AOX1: variants seen among roughly 807,000 people sequenced by gnomAD.
AOX1 encodes the protein aldehyde oxidase.
Under a neutral mutation model 169.5 loss-of-function variants are expected in AOX1, and 153 were observed. The observed-to-expected ratio is 0.90, with a 90% CI of 0.79 to 1.03. The LOEUF is 1.03. AOX1 is among the 50% of genes least tolerant of loss of function. The pLI is 0.00. For missense variants in AOX1, 1,656 were observed against 1,663.9 expected (o/e 1.00, Z 0.08); for synonymous variants, 562 against 581.9 (o/e 0.97, Z 0.49).
At chr2:200,593,607 T>A (rs1027059423) in intron 2 of AOX1, among the ~76,000 whole-genome samples, 1 of 152,196 alleles carries the variant, frequency 6.6e-6, no homozygotes, top group Non-Finnish European at 1.5e-5. Flanking sequence ...CCTGAAAATG[T>A]TATCCTAGAA....
chr2:200,613,380 CT>C (rs1199067642), intron 14 of AOX1, among the ~76,000 whole-genome samples: 2 of 152,082 alleles, frequency 1.3e-5, no homozygotes, highest in East Asian at 3.9e-4. Flanking sequence ...CTTTGGTTCC[CT>C]AGCTGTCAAA....
Position 200,669,652 on chromosome 2 carries a change from G to A in AOX1, c.3876G>A (p.Gln1292=), listed in dbSNP as rs755723582. ...ATGACGCAGTGAGTGCAGCACGACA[G>A]GAGAGAGGCCTGCATGGACCCTTGA... ...AIHDAVSAAR[Q]ERGLHGPLTL... is the part of the protein sequence containing the mutation. Residue 1292 remains glutamine (Q), a synonymous_variant, in exon 34 of 35, where the codon CAG becomes CAA. Transcript: ENST00000374700. 26 of 1,614,048 alleles carry A rather than the reference G, an allele frequency of 1.6e-5. No individual in the cohort carries two copies. The highest frequency in any genetic ancestry group is 1.8e-5 in the Non-Finnish European group (21 of 1,180,006).
At chr2:200,633,535 A>T (rs928853295) in intron 20 of AOX1, among the ~76,000 whole-genome samples, 29 of 151,616 alleles carry the variant, frequency 1.9e-4, no homozygotes, top group African/African-American at 7.0e-4. Flanking sequence ...TTAATTCTAA[A>T]ATTTCTATTT....
At chr2:200,677,915 C>T (rs961016877), downstream of AOX1, among the ~76,000 whole-genome samples, 2 of 152,172 alleles carry the variant, frequency 1.3e-5, no homozygotes, top group African/African-American at 4.8e-5. Flanking sequence ...AGTGGAGGCT[C>T]AGAGTGGTTA....
intron 4 of AOX1, 128 bp from the exon 5 acceptor site, chr2:200,599,492 A>G (rs1463705588): frequency 2.8e-6 from 2 of 703,888 alleles, no homozygotes; most frequent in Non-Finnish European, 4.5e-6. Flanking sequence ...AAGGGCTCCC[A>G]GGGGCCTCTG....
intron 1 of AOX1, among the ~76,000 whole-genome samples, chr2:200,590,883 C>T (rs2034156725): frequency 6.6e-6 from 1 of 152,152 alleles, no homozygotes; most frequent in Admixed American, 6.5e-5. Flanking sequence ...TCTTTTTTCT[C>T]TCCTGCCATT....
intron 20 of AOX1, among the ~76,000 whole-genome samples, chr2:200,631,831 T>A (rs1034943888): frequency 6.6e-6 from 1 of 152,172 alleles, no homozygotes; most frequent in East Asian, 1.9e-4. Context: ...TACTGCAAGC[T>A]TGAATGTAAG....
Position 200,634,796 on chromosome 2 carries a change from A to C in AOX1, c.2227A>C (p.Ile743Leu), listed in dbSNP as rs2035197735. The C allele has an allele frequency of 5.0e-6, 8 of 1,613,828 alleles. No homozygotes were observed. The highest frequency in any genetic ancestry group is 6.8e-6 in the Non-Finnish European group (8 of 1,179,936). ...KVVDQILEGE[I>L]HMGGQEHFYM... ...TATGTATTTTCCTGTAACAGGTGAA[A>C]TACATATGGGAGGTCAAGAACATTT... The change falls in exon 21 of 35, where the codon ATA becomes CTA. Residue 743 changes from isoleucine (I) to leucine (L), a missense_variant. Coordinates refer to ENST00000374700, the MANE Select transcript of AOX1 (RefSeq NM_001159.4).
At chr2:200,659,831 C>T (rs1172252538) in intron 28 of AOX1, among the ~76,000 whole-genome samples, 164 bp from the exon 29 acceptor site, 1 of 151,438 alleles carries the variant, frequency 6.6e-6, no homozygotes, top group Non-Finnish European at 1.5e-5. Context: ...CACACGTGCA[C>T]ACACTCATAT....
intron 5 of AOX1, among the ~76,000 whole-genome samples, chr2:200,601,348 T>A (rs1267349000): frequency 6.6e-6 from 1 of 152,168 alleles, no homozygotes; most frequent in Non-Finnish European, 1.5e-5. Flanking sequence ...GTAAAAAGTT[T>A]CAGTTATGCA....
At chr2:200,634,528 C>A (rs1202455813) in intron 20 of AOX1, among the ~76,000 whole-genome samples, 3 of 152,100 alleles carry the variant, frequency 2.0e-5, no homozygotes, top group Admixed American at 1.3e-4. Context: ...GAATCAAGAC[C>A]CCTCTGCTTT....
rs113582006 is a variant in AOX1 at position 200,636,969 on chromosome 2, G to T, written c.2405G>T (p.Arg802Leu). 5 of 1,614,122 alleles carry T rather than the reference G, an allele frequency of 3.1e-6. No homozygotes were observed. In the South Asian group the frequency reaches 3.3e-5, roughly 11 times the overall value. Residue 802 changes from arginine (R) to leucine (L), a missense_variant, in exon 22 of 35, where the codon CGT (arginine) becomes CTT (leucine). Transcript: ENST00000374700. Reference protein sequence around the residue: ...PANKVMCHVRRVGGAFGGKVL... With the variant: ...PANKVMCHVRLVGGAFGGKVL... ...AACAAGGTCATGTGCCATGTAAGGC[G>T]TGTTGGTGGAGCGTTTGGAGGGAAG...
At chr2:200,604,999 C>G (rs2034486284) in intron 9 of AOX1, among the ~76,000 whole-genome samples, 159 bp downstream of exon 9, 1 of 152,174 alleles carries the variant, frequency 6.6e-6, no homozygotes, top group South Asian at 2.1e-4. Context: ...GAGCATTGCT[C>G]AAGAGACTTT....
At chr2:200,630,413 C>T (rs1449867681) in intron 20 of AOX1, among the ~76,000 whole-genome samples, 1 of 151,714 alleles carries the variant, frequency 6.6e-6, no homozygotes, top group East Asian at 1.9e-4. Flanking sequence ...ATCCCAGCTA[C>T]TCGGAAGGCT....
Position 200,603,351 on chromosome 2 carries a change from A to G in AOX1, c.583A>G (p.Ser195Gly). 6.2e-7 allele frequency: 1 copy of G among 1,612,414 alleles called. No individual in the cohort carries two copies. The highest frequency in any genetic ancestry group is 8.5e-7 in the Non-Finnish European group (1 of 1,178,566). ...INGLPEFEEG[S>G]KTSPKLFAEE... ...TGGATTGCCAGAATTTGAGGAAGGA[A>G]GTAAGGTCAGTGAAATGTAAAGCTT... Residue 195 changes from serine (S) to glycine (G), a missense_variant, in exon 7 of 35, where the codon AGT (serine) becomes GGT (glycine). Transcript: ENST00000374700.
At position 200,657,184 on chromosome 2, in the gene AOX1, A is replaced by AT. The variant is rs1284180212; in HGVS notation, c.3171+248dup. Among the ~76,000 whole-genome samples, 111 of 64,732 alleles carry AT rather than the reference A, an allele frequency of 1.7e-3. 3 individuals are homozygous for AT. The East Asian group carries it at 0.037, about 22-fold the overall frequency. 42.5% of individuals were successfully genotyped at this position (64,732 alleles called of 152,430 possible). A position where few individuals can be genotyped will look rare whatever the true frequency, so the allele number is the denominator to read the frequency against. Reference sequence around the variant, plus strand: ...ACCAAAAATATATATATATATATATATATATATTTTTTTTTTTTTTTAATT... The same window carrying AT: ...ACCAAAAATATATATATATATATATATTATATATTTTTTTTTTTTTTTAATT... On this transcript the variant is annotated intron_variant, in intron 27 of 34. Coordinates refer to ENST00000374700, the MANE Select transcript of AOX1 (RefSeq NM_001159.4).
At position 200,611,422 on chromosome 2, in the gene AOX1, A is replaced by G; in HGVS notation, c.1192A>G (p.Ser398Gly). ...GATTCCTTTAAATGAGCAATTCCTC[A>G]GCAAGTGCCCTAATGCAGATCTTAA... ...RQIPLNEQFL[S>G]KCPNADLKPQ... Residue 398 changes from serine to glycine, a missense_variant, in exon 13 of 35, where the codon AGC (serine) becomes GGC (glycine). By Grantham distance (56) the Ser-to-Gly change is moderately conservative. Transcript: ENST00000374700. The G allele has an allele frequency of 6.2e-7, 1 of 1,614,082 alleles. No individual in the cohort carries two copies. Among genetic ancestry groups the G allele is most frequent in the South Asian group, 1.1e-5 (1 of 91,076 alleles).
At chr2:200,620,610 A>G (rs1264303873) in intron 16 of AOX1, 40 bp from the exon 17 acceptor site, 9 of 1,433,300 alleles carry the variant, frequency 6.3e-6, no homozygotes, top group Non-Finnish European at 7.4e-6. Flanking sequence ...TACTTTCTCT[A>G]TAGAAATGTA....
At chr2:200,657,191 T>TATATATA (rs1491522418) in intron 27 of AOX1, among the ~76,000 whole-genome samples, 55 of 45,486 alleles carry the variant, frequency 1.2e-3, no homozygotes, top group Non-Finnish European at 2.2e-3. Flanking sequence ...TATATATATA[T>TATATATA]TTTTTTTTTT....
Sources: allele counts gnomAD v4.1 joint callset (sites outside exome capture counted in the v4.1 genomes callset), GRCh38; gene constraint gnomAD v4.1.1; transcripts MANE v1.5; gene names NCBI Gene and HGNC (gene_info 2026-07-23, HGNC 2026-07-21).